The following COMMD10 variants were observed in gnomAD, a reference collection of about 807,000 sequenced individuals.
COMMD10 encodes the protein COMM domain-containing protein 10.
Under a neutral mutation model 28.9 loss-of-function variants are expected in COMMD10, and 33 were observed. The ratio of observed to expected loss-of-function variants is 1.14; its 90% CI spans 0.87 to 1.53. The LOEUF (loss-of-function observed/expected upper bound fraction) is 1.53. Ranked by LOEUF, COMMD10 falls within the 40% of genes most tolerant of loss-of-function variation. The pLI is 0.00. For missense variants in COMMD10, 310 were observed against 233.4 expected, an observed-to-expected ratio of 1.33 and a Z score of -2.14; for synonymous variants, 110 against 81.7, an observed-to-expected ratio of 1.35 and a Z score of -1.87.
At chr5:116,273,685 T>C (rs1055562985) in intron 5 of COMMD10, among the ~76,000 whole-genome samples, 1 of 151,740 alleles carries the variant, frequency 6.6e-6, no homozygotes, top group Non-Finnish European at 1.5e-5. Flanking sequence ...AAGACCAATA[T>C]AGCAAGCAAA....
chr5:116,280,067 T>A (rs750191250), intron 5 of COMMD10, among the ~76,000 whole-genome samples: 1 of 151,904 alleles, frequency 6.6e-6, no homozygotes, highest in Non-Finnish European at 1.5e-5. Flanking sequence ...GTTTCACTTT[T>A]ATGTATTTTA....
chr5:116,229,684 G>A (rs1000283418), intron 5 of COMMD10, among the ~76,000 whole-genome samples: 13 of 152,102 alleles, frequency 8.5e-5, no homozygotes, highest in Admixed American at 8.5e-4. Flanking sequence ...AATTATGACA[G>A]TATATAATTG....
At position 116,292,660 on chromosome 5, in the gene COMMD10, A is replaced by G. The variant is rs1751400693; in HGVS notation, c.*171A>G. Reference sequence around the variant, plus strand: ...ACCAATAGAGATCATTGTTAAGAATACTGAGGTTCTAATATACTTTCTTTA... The same window carrying G: ...ACCAATAGAGATCATTGTTAAGAATGCTGAGGTTCTAATATACTTTCTTTA... On this transcript the variant is annotated 3_prime_UTR_variant, in exon 7 of 7. Transcript: ENST00000274458. The G allele has an allele frequency of 2.2e-6, 1 of 453,108 alleles. No individual in the cohort carries two copies. The highest frequency in any genetic ancestry group is 3.9e-6 in the Non-Finnish European group (1 of 255,718). The allele number at this position is 453,108 out of a possible 1,614,324, so 28.1% of individuals were successfully genotyped here. A position where few individuals can be genotyped will look rare whatever the true frequency, so the allele number is the denominator to read the frequency against.
At chr5:116,128,186 AGAATTTT>A (rs1751727155) in intron 4 of COMMD10, among the ~76,000 whole-genome samples, 1 of 152,082 alleles carries the variant, frequency 6.6e-6, no homozygotes, top group Admixed American at 6.6e-5. Flanking sequence ...AGATGTGCTT[AGAATTTT>A]GGTTTACAGA....
intron 5 of COMMD10, among the ~76,000 whole-genome samples, chr5:116,218,874 C>A (rs1048326613): frequency 6.6e-6 from 1 of 152,086 alleles, no homozygotes; most frequent in South Asian, 2.1e-4. Flanking sequence ...TATTTTTAGA[C>A]AGTGTTATAG....
At chr5:116,193,139 C>G (rs1313274562) in intron 5 of COMMD10, among the ~76,000 whole-genome samples, 1 of 152,184 alleles carries the variant, frequency 6.6e-6, no homozygotes, top group Non-Finnish European at 1.5e-5. Flanking sequence ...CAAGCCACCA[C>G]TACAGGAACT....
intron 3 of COMMD10, among the ~76,000 whole-genome samples, chr5:116,091,927 C>T (rs1217301742): frequency 6.6e-6 from 1 of 152,120 alleles, no homozygotes; most frequent in South Asian, 2.1e-4. Context: ...GACAAGCTAC[C>T]AGTTATCTAC....
chr5:116,140,020 C>A (rs141100372), intron 5 of COMMD10, among the ~76,000 whole-genome samples: 1 of 151,680 alleles, frequency 6.6e-6, no homozygotes, highest in Non-Finnish European at 1.5e-5. Flanking sequence ...AGTTTATATG[C>A]TTTAACCTGC....
chr5:116,218,055 G>T, intron 5 of COMMD10: 1 of 1,168,964 alleles, frequency 8.6e-7, no homozygotes, highest in Non-Finnish European at 1.3e-6. Flanking sequence ...TCAGCTTTCT[G>T]TGCCTGATCT....
intron 4 of COMMD10, among the ~76,000 whole-genome samples, chr5:116,125,788 A>G (rs1211852759): frequency 6.6e-6 from 1 of 151,800 alleles, no homozygotes; most frequent in Non-Finnish European, 1.5e-5. Context: ...GCTTCATTTC[A>G]TTCATTTGAT....
intron 5 of COMMD10, among the ~76,000 whole-genome samples, chr5:116,285,176 T>G (rs1751184140): frequency 6.6e-6 from 1 of 151,800 alleles, no homozygotes; most frequent in African/African-American, 2.4e-5. Flanking sequence ...GAAACAAGAG[T>G]AAAAATGGAG....
chr5:116,183,051 G>T (rs1364690935), intron 5 of COMMD10, among the ~76,000 whole-genome samples: 2 of 152,120 alleles, frequency 1.3e-5, no homozygotes, highest in African/African-American at 2.4e-5. Context: ...ATGTGAGTCA[G>T]TGAAACCGCT....
chr5:116,173,877 C>G (rs1323367830), intron 5 of COMMD10, among the ~76,000 whole-genome samples: 1 of 146,914 alleles, frequency 6.8e-6, no homozygotes, highest in African/African-American at 2.6e-5. Flanking sequence ...CAAGGACAGT[C>G]ATAATATAGT....
intron 5 of COMMD10, among the ~76,000 whole-genome samples, chr5:116,159,988 G>C (rs760207585): frequency 2.0e-5 from 3 of 152,156 alleles, no homozygotes; most frequent in Non-Finnish European, 2.9e-5. Flanking sequence ...GGATGGAATA[G>C]TTATGGACCA....
intron 5 of COMMD10, among the ~76,000 whole-genome samples, chr5:116,275,213 G>A (rs1188484782): frequency 6.6e-6 from 1 of 151,760 alleles, no homozygotes; most frequent in Non-Finnish European, 1.5e-5. Context: ...CTCCAAAATA[G>A]CTCTTAAATC....
chr5:116,230,767 C>G (rs1395207712), intron 5 of COMMD10, among the ~76,000 whole-genome samples: 2 of 152,100 alleles, frequency 1.3e-5, no homozygotes, highest in Admixed American at 6.5e-5. Flanking sequence ...ATCCGTTTCT[C>G]TTTACCATCC....
At chr5:116,237,837 A>G (rs1022438893) in intron 5 of COMMD10, among the ~76,000 whole-genome samples, 1 of 152,158 alleles carries the variant, frequency 6.6e-6, no homozygotes, top group South Asian at 2.1e-4. Context: ...ATCTGTACTA[A>G]TATCATCAAC....
chr5:116,134,231 C>G (rs1751958347), intron 5 of COMMD10, 53 bp downstream of exon 5: 2 of 995,550 alleles, frequency 2.0e-6, no homozygotes, highest in Middle Eastern at 4.1e-4. Context: ...AGGACTTAAA[C>G]TTTTTATTCT....
At chr5:116,114,840 G>T (rs1751178061) in intron 4 of COMMD10, among the ~76,000 whole-genome samples, 1 of 152,056 alleles carries the variant, frequency 6.6e-6, no homozygotes. Context: ...CTGGGTAGTT[G>T]TCACCTATCT....
Sources: allele counts gnomAD v4.1 joint callset (sites outside exome capture counted in the v4.1 genomes callset), GRCh38; gene constraint gnomAD v4.1.1; transcripts MANE v1.5; gene names NCBI Gene and HGNC (gene_info 2026-07-23, HGNC 2026-07-21).